Variants in CYP19A1 observed in about 807,000 individuals in gnomAD.
CYP19A1 encodes the protein cytochrome P450 family 19 subfamily A member 1, also known as aromatase.
In CYP19A1, 32 loss-of-function variants were observed where a neutral mutation model predicts 44.4. The observed-to-expected ratio is 0.72, with a 90% CI of 0.54 to 0.97. CYP19A1 has a LOEUF of 0.97. CYP19A1 is among the 50% of genes least tolerant of loss of function. The pLI, the probability that CYP19A1 is intolerant of heterozygous loss-of-function variation, is 0.00. For missense variants in CYP19A1, 598 were observed against 637.8 expected (o/e 0.94, Z 0.67); for synonymous variants, 212 against 215.6 (o/e 0.98, Z 0.14).
At chr15:51,227,169 T>C (rs2141076720) in intron 4 of CYP19A1, among the ~76,000 whole-genome samples, 1 of 152,254 alleles carries the variant, frequency 6.6e-6, no homozygotes, top group East Asian at 1.9e-4. Flanking sequence ...GATTAAGAAA[T>C]ATAGGCTTCA....
Position 51,268,935 on chromosome 15 carries a change from A to G in CYP19A1, c.-38-25985T>C, listed in dbSNP as rs185033521. Among the ~76,000 whole-genome samples, 50 of 152,238 alleles carry G rather than the reference A, an allele frequency of 3.3e-4. No individual in the cohort carries two copies. In the East Asian group the frequency reaches 9.6e-3, roughly 29 times the overall value. ...TTATTGACTTTTTTAATATATATAT[A>G]TTCTGGATTCGAGTTGTCTGATACG... is the stretch of plus-strand genomic sequence containing the variant. On this transcript the variant is annotated intron_variant, in intron 1 of 9. Coordinates refer to ENST00000396402, the MANE Select transcript of CYP19A1 (RefSeq NM_000103.4).
At chr15:51,272,144 C>T (rs11632903) in intron 1 of CYP19A1, among the ~76,000 whole-genome samples, 66,443 of 151,968 alleles carry the variant, frequency 0.44, 14,686 homozygotes, top group African/African-American at 0.46. Flanking sequence ...TGAGTGCCAA[C>T]TTTCTGTCCA....
intron 1 of CYP19A1, among the ~76,000 whole-genome samples, chr15:51,336,411 G>T (rs2036775617): frequency 6.6e-6 from 1 of 152,138 alleles, no homozygotes; most frequent in African/African-American, 2.4e-5. Flanking sequence ...AGTTTCTTGG[G>T]GTTTAACAGT....
At chr15:51,310,490 C>T (rs954416076) in intron 1 of CYP19A1, among the ~76,000 whole-genome samples, 20 of 152,106 alleles carry the variant, frequency 1.3e-4, no homozygotes, top group African/African-American at 4.6e-4. Context: ...AAATCTTTGT[C>T]TTTTTTTCTC....
chr15:51,278,511 G>A (rs1199414782), intron 1 of CYP19A1, among the ~76,000 whole-genome samples: 1 of 152,222 alleles, frequency 6.6e-6, no homozygotes, highest in African/African-American at 2.4e-5. Context: ...CTTGAATGCA[G>A]GGTGGAGTAT....
At position 51,268,529 on chromosome 15, in the gene CYP19A1, C is replaced by G. The variant is rs934426278; in HGVS notation, c.-38-25579G>C. On this transcript the variant is annotated intron_variant, in intron 1 of 9. Coordinates refer to ENST00000396402, the MANE Select transcript of CYP19A1 (RefSeq NM_000103.4). ...TTTCCATCGTTTCCTTCCCCCCCCC[C>G]CTTTTTTTTTGGCTGTTTCAAGCAA... 1.7e-3 allele frequency among the ~76,000 whole-genome samples: 221 copies of G among 130,422 alleles called. 2 individuals carry two copies. The highest frequency in any genetic ancestry group is 5.9e-3 in the African/African-American group (210 of 35,790). 85.6% of individuals were successfully genotyped at this position (130,422 alleles called of 152,430 possible).
chr15:51,260,065 A>T (rs2140933669), intron 1 of CYP19A1, among the ~76,000 whole-genome samples: 1 of 152,376 alleles, frequency 6.6e-6, no homozygotes, highest in East Asian at 1.9e-4. Context: ...TATGCCAATT[A>T]TCAAAGTAGA....
intron 1 of CYP19A1, among the ~76,000 whole-genome samples, chr15:51,247,900 C>T (rs1454880709): frequency 6.6e-6 from 1 of 152,078 alleles, no homozygotes; most frequent in East Asian, 1.9e-4. Flanking sequence ...CAAGATACGT[C>T]CCTGTATTTT....
chr15:51,243,121 A>C (rs2033876610), intron 1 of CYP19A1, 171 bp from the exon 2 acceptor site: 1 of 582,044 alleles, frequency 1.7e-6, no homozygotes, highest in African/African-American at 1.9e-5. Flanking sequence ...AGGAAGCCCA[A>C]GAAAGATCTT....
chr15:51,329,868 G>A (rs1252035850), intron 1 of CYP19A1, among the ~76,000 whole-genome samples: 1 of 152,244 alleles, frequency 6.6e-6, no homozygotes, highest in East Asian at 1.9e-4. Flanking sequence ...CAGACAGGGA[G>A]CGACAGGCCA....
Position 51,210,565 on chromosome 15 carries a change from A to G in CYP19A1, c.*243T>C, listed in dbSNP as rs2030837507. ...GGGTCTTTATGGATACGGTTTCTTC[A>G]CCGACTATTTCTCCCTCAAACTCTT... is the stretch of plus-strand genomic sequence containing the variant. On this transcript the variant is annotated 3_prime_UTR_variant, in exon 10 of 10. Transcript: ENST00000396402. The G allele has an allele frequency of 1.5e-6, 1 of 651,216 alleles. No individual in the cohort carries two copies. The highest frequency in any genetic ancestry group is 1.8e-5 in the African/African-American group (1 of 56,430). 40.3% of individuals were successfully genotyped at this position (651,216 alleles called of 1,614,324 possible). A position where few individuals can be genotyped will look rare whatever the true frequency, so the allele number is the denominator to read the frequency against.
At chr15:51,296,064 G>A (rs1440168384) in intron 1 of CYP19A1, among the ~76,000 whole-genome samples, 1 of 152,030 alleles carries the variant, frequency 6.6e-6, no homozygotes, top group Non-Finnish European at 1.5e-5. Flanking sequence ...AAGCTGGATG[G>A]CAGGGAGGCC....
chr15:51,231,657 G>A (rs980128674), intron 3 of CYP19A1, among the ~76,000 whole-genome samples: 7 of 151,850 alleles, frequency 4.6e-5, no homozygotes, highest in East Asian at 1.9e-4. Context: ...GTACGTTAGC[G>A]CACACGTGCC....
At chr15:51,333,823 T>G (rs913698410) in intron 1 of CYP19A1, among the ~76,000 whole-genome samples, 6 of 152,174 alleles carry the variant, frequency 3.9e-5, no homozygotes, top group Admixed American at 2.6e-4. Flanking sequence ...TCCCAACCAG[T>G]CTCTCTGGAG....
At chr15:51,230,231 C>T (rs1230228720) in intron 3 of CYP19A1, among the ~76,000 whole-genome samples, 1 of 152,242 alleles carries the variant, frequency 6.6e-6, no homozygotes, top group Non-Finnish European at 1.5e-5. Flanking sequence ...GCCCAGAGCT[C>T]CTCCTGGCAG....
chr15:51,231,883 A>G (rs1389265773), intron 3 of CYP19A1, among the ~76,000 whole-genome samples: 1 of 151,972 alleles, frequency 6.6e-6, no homozygotes, highest in Non-Finnish European at 1.5e-5. Context: ...CTGTGCCCAT[A>G]TATTCCACCT....
intron 1 of CYP19A1, among the ~76,000 whole-genome samples, chr15:51,258,538 A>G (rs1284953391): frequency 2.0e-5 from 3 of 152,164 alleles, no homozygotes; most frequent in African/African-American, 7.2e-5. Flanking sequence ...CTACTAGCCA[A>G]TGCTGCACAT....
intron 1 of CYP19A1, among the ~76,000 whole-genome samples, chr15:51,262,021 A>G (rs1274684435): frequency 2.0e-5 from 3 of 152,176 alleles, no homozygotes; most frequent in African/African-American, 7.2e-5. Flanking sequence ...TCTCTGCAGC[A>G]TTGTGACATG....
At chr15:51,328,478 C>T (rs1316384227) in intron 1 of CYP19A1, among the ~76,000 whole-genome samples, 1 of 152,096 alleles carries the variant, frequency 6.6e-6, no homozygotes, top group African/African-American at 2.4e-5. Flanking sequence ...CAAATGCCTC[C>T]ACAAATTTCC....
Sources: allele counts gnomAD v4.1 joint callset (sites outside exome capture counted in the v4.1 genomes callset), GRCh38; gene constraint gnomAD v4.1.1; transcripts MANE v1.5; gene names NCBI Gene and HGNC (gene_info 2026-07-23, HGNC 2026-07-21).